Variants in APBB2 observed in about 807,000 individuals in gnomAD.
APBB2 encodes Fe65-like 1.
In APBB2, 38 loss-of-function variants were observed where a neutral mutation model predicts 82.5. That is an observed-to-expected ratio of 0.46 (90% CI 0.36 to 0.60). The LOEUF (loss-of-function observed/expected upper bound fraction) is 0.60. Among genes scored for constraint, APBB2 ranks in the 20% least tolerant of loss-of-function variants. APBB2 has a pLI of 0.00. For missense variants in APBB2, 772 were observed against 972.3 expected (o/e 0.79, Z 2.74); for synonymous variants, 341 against 368.2 (o/e 0.93, Z 0.85).
chr4:40,939,320 T>C (rs1786226478), intron 7 of APBB2, among the ~76,000 whole-genome samples: 1 of 152,108 alleles, frequency 6.6e-6, no homozygotes, highest in South Asian at 2.1e-4. Flanking sequence ...AGGCCTCCCA[T>C]CAATGTGCAG....
chr4:40,982,221 G>GAAAAGAAAGAAAAGAAAGAAAAGAAA (rs766666523), intron 6 of APBB2, among the ~76,000 whole-genome samples: 4 of 12,884 alleles, frequency 3.1e-4, no homozygotes, highest in African/African-American at 1.3e-3. Flanking sequence ...AGAAAAGAAA[G>GAAAAGAAAGAAAAGAAAGAAAAGAAA]GAAAGAAAGA....
At chr4:41,135,169 CAAAAA>C (rs5857778) in intron 2 of APBB2, among the ~76,000 whole-genome samples, 2 of 99,552 alleles carry the variant, frequency 2.0e-5, no homozygotes, top group South Asian at 3.4e-4. Context: ...CTTGAGCCCT[CAAAAA>C]AAAAAAAAAA....
chr4:40,827,543 G>A (rs943056594), intron 13 of APBB2, among the ~76,000 whole-genome samples: 15 of 152,064 alleles, frequency 9.9e-5, no homozygotes, highest in African/African-American at 2.7e-4. Flanking sequence ...GGACCCTGCC[G>A]GCCCACAGTG....
intron 6 of APBB2, among the ~76,000 whole-genome samples, chr4:40,962,206 C>T (rs143709718): frequency 7.0e-4 from 107 of 152,258 alleles, no homozygotes; most frequent in African/African-American, 2.5e-3. Context: ...TTGTGGATCC[C>T]ATCTGCCAGG....
intron 1 of APBB2, among the ~76,000 whole-genome samples, chr4:41,209,426 A>G (rs761970402): frequency 5.9e-5 from 9 of 152,208 alleles, no homozygotes; most frequent in Non-Finnish European, 8.8e-5. Context: ...GCAGCAGCCA[A>G]TCACAGGCAT....
intron 3 of APBB2, among the ~76,000 whole-genome samples, chr4:41,066,204 A>G (rs1731754308): frequency 1.3e-5 from 2 of 152,130 alleles, no homozygotes. Flanking sequence ...GGACAGCTCA[A>G]TGTATTTTCC....
At chr4:41,049,674 G>A (rs900583082) in intron 4 of APBB2, among the ~76,000 whole-genome samples, 2 of 152,212 alleles carry the variant, frequency 1.3e-5, no homozygotes, top group African/African-American at 4.8e-5. Context: ...TGACGATGGC[G>A]GTTTTGTCTA....
intron 3 of APBB2, among the ~76,000 whole-genome samples, chr4:41,068,516 T>C (rs1401186801): frequency 6.6e-6 from 1 of 152,224 alleles, no homozygotes; most frequent in East Asian, 1.9e-4. Flanking sequence ...GACATGGATC[T>C]TGAAATTCTT....
At chr4:41,034,781 T>G (rs970916399) in intron 4 of APBB2, among the ~76,000 whole-genome samples, 3 of 152,208 alleles carry the variant, frequency 2.0e-5, no homozygotes, top group Admixed American at 2.0e-4. Flanking sequence ...CATGGAAAAT[T>G]TCTTAAAGGA....
At chr4:41,041,698 T>A (rs1293274297) in intron 4 of APBB2, among the ~76,000 whole-genome samples, 1 of 152,216 alleles carries the variant, frequency 6.6e-6, no homozygotes, top group East Asian at 1.9e-4. Flanking sequence ...GGACATTGAT[T>A]TATGATCCTA....
At chr4:40,974,989 TACA>T (rs1270827634) in intron 6 of APBB2, among the ~76,000 whole-genome samples, 3 of 152,246 alleles carry the variant, frequency 2.0e-5, no homozygotes, top group South Asian at 2.1e-4. Context: ...TGCTAACTGC[TACA>T]ACAAGAGACA....
intron 4 of APBB2, among the ~76,000 whole-genome samples, chr4:41,051,018 A>G (rs1056193321): frequency 2.2e-5 from 3 of 138,646 alleles, no homozygotes; most frequent in South Asian, 4.2e-4. Flanking sequence ...CAAGTTCACA[A>G]AGAAACACCA....
chr4:40,829,198 A>G (rs1372189993), intron 13 of APBB2, among the ~76,000 whole-genome samples: 1 of 152,174 alleles, frequency 6.6e-6, no homozygotes, highest in Non-Finnish European at 1.5e-5. Flanking sequence ...ATCGAGCACC[A>G]CAATAGTGTG....
At chr4:41,063,178 C>T (rs1370623720) in intron 4 of APBB2, among the ~76,000 whole-genome samples, 1 of 152,192 alleles carries the variant, frequency 6.6e-6, no homozygotes, top group African/African-American at 2.4e-5. Flanking sequence ...AGTACATGCC[C>T]TTCAACTTTC....
chr4:41,126,235 T>TA (rs936853184), intron 2 of APBB2, among the ~76,000 whole-genome samples: 3 of 146,980 alleles, frequency 2.0e-5, no homozygotes, highest in African/African-American at 5.1e-5. Context: ...AAAAAAAAAA[T>TA]TAGCTGGGCA....
chr4:41,182,459 T>C (rs1771696803), intron 1 of APBB2, among the ~76,000 whole-genome samples: 1 of 152,224 alleles, frequency 6.6e-6, no homozygotes, highest in Admixed American at 6.5e-5. Flanking sequence ...CCAGTATTGG[T>C]GGTATAGTGG....
intron 6 of APBB2, among the ~76,000 whole-genome samples, chr4:41,000,069 A>ATGTGTGTGTGTGTGTGTGTG (rs779111046): frequency 1.5e-5 from 2 of 130,636 alleles, no homozygotes; most frequent in African/African-American, 3.1e-5. Context: ...ATATGTGTGT[A>ATGTGTGTGTGTGTGTGTGTG]TGTGTGTGTG....
intron 12 of APBB2, among the ~76,000 whole-genome samples, chr4:40,831,350 C>G (rs953830184): frequency 6.6e-6 from 1 of 151,240 alleles, no homozygotes; most frequent in South Asian, 2.1e-4. Context: ...TACAGTGAGC[C>G]GAGACTGTGC....
intron 10 of APBB2, among the ~76,000 whole-genome samples, chr4:40,931,208 T>C (rs1231699627): frequency 1.3e-5 from 2 of 152,172 alleles, no homozygotes; most frequent in African/African-American, 4.8e-5. Flanking sequence ...CTCCTCCCTC[T>C]GAGGTGCTGG....
Sources: gnomAD v4.1 joint callset for allele counts (sites outside exome capture counted in the v4.1 genomes callset) on GRCh38, gnomAD v4.1.1 for gene constraint, MANE v1.5 for transcripts, NCBI Gene and HGNC (gene_info 2026-07-23, HGNC 2026-07-21) for gene names.